SGPP1: variants seen among roughly 807,000 people sequenced by gnomAD.
SGPP1 encodes the protein sphingosine-1-phosphate phosphatase 1.
Under a neutral mutation model 33.0 loss-of-function variants are expected in SGPP1, and 21 were observed. The observed-to-expected ratio is 0.64, with a 90% CI of 0.45 to 0.92. The LOEUF is 0.92. Ranked by LOEUF, SGPP1 falls within the 40% of genes least tolerant of loss-of-function variation. The pLI, the probability that SGPP1 is intolerant of heterozygous loss-of-function variation, is 0.00. For synonymous variants in SGPP1, 239 were observed against 241.2 expected, an observed-to-expected ratio of 0.99 and a Z score of 0.08; for missense variants, 543 against 589.4, an observed-to-expected ratio of 0.92 and a Z score of 0.81.
chr14:63,723,281 G>A (rs1443911972), intron 1 of SGPP1, among the ~76,000 whole-genome samples: 1 of 151,962 alleles, frequency 6.6e-6, no homozygotes, highest in African/African-American at 2.4e-5. Context: ...CATTATCCTA[G>A]GCAATGGATC....
intron 2 of SGPP1, among the ~76,000 whole-genome samples, chr14:63,690,228 A>G (rs1188743492): frequency 6.6e-6 from 1 of 152,158 alleles, no homozygotes; most frequent in Non-Finnish European, 1.5e-5. Context: ...TATTTTTTGT[A>G]GACAAGGTTT....
intron 1 of SGPP1, among the ~76,000 whole-genome samples, chr14:63,701,308 T>G (rs1046616630): frequency 6.6e-6 from 1 of 152,142 alleles, no homozygotes; most frequent in African/African-American, 2.4e-5. Flanking sequence ...TGTTATGTGT[T>G]AAGTCATTGC....
intron 2 of SGPP1, among the ~76,000 whole-genome samples, chr14:63,690,709 TTTTA>T (rs987068335): frequency 1.3e-5 from 2 of 152,116 alleles, no homozygotes; most frequent in Non-Finnish European, 2.9e-5. Context: ...TAAGAAAATA[TTTTA>T]TTTATTTATT....
intron 1 of SGPP1, among the ~76,000 whole-genome samples, chr14:63,705,127 T>TAA (rs35254189): frequency 1.4e-5 from 2 of 147,058 alleles, no homozygotes; most frequent in Admixed American, 6.9e-5. Context: ...ACTCTGTCTT[T>TAA]AAAAAAAAAC....
chr14:63,696,876 C>T (rs1438355710), intron 2 of SGPP1, among the ~76,000 whole-genome samples: 3 of 152,086 alleles, frequency 2.0e-5, no homozygotes, highest in African/African-American at 7.2e-5. Flanking sequence ...ATCCCAGCTA[C>T]TCAGGAGGTT....
chr14:63,690,811 A>G (rs886718166), intron 2 of SGPP1, among the ~76,000 whole-genome samples: 1 of 152,172 alleles, frequency 6.6e-6, no homozygotes, highest in Non-Finnish European at 1.5e-5. Flanking sequence ...CCTGGCTTCA[A>G]GCAATTCTCC....
At chr14:63,718,455 A>C (rs1270155404) in intron 1 of SGPP1, among the ~76,000 whole-genome samples, 2 of 152,126 alleles carry the variant, frequency 1.3e-5, no homozygotes, top group Admixed American at 1.3e-4. Flanking sequence ...TTTAGGTAGG[A>C]GAAAAATTAT....
In SGPP1 at chr14:63,686,564, T is replaced by C. The variant is rs768456195; in HGVS notation, c.867A>G (p.Lys289=). The change falls in exon 3 of 3, where the codon AAA becomes AAG. Residue 289 remains lysine, a synonymous_variant. Coordinates refer to ENST00000247225, the MANE Select transcript of SGPP1 (RefSeq NM_030791.4). ...DLIDNFNQTH[K]YAPFIIIGLH... is the part of the protein sequence containing the mutation. ...GCCCGATGATGATGAATGGAGCATA[T>C]TTGTGAGTTTGGTTGAAGTTGTCAA... 24 of 1,613,990 alleles carry C rather than the reference T, an allele frequency of 1.5e-5. No individual in the cohort carries two copies. In the South Asian group the frequency reaches 2.6e-4, roughly 18 times the overall value.
At chr14:63,693,685 C>T (rs1323497758) in intron 2 of SGPP1, among the ~76,000 whole-genome samples, 3 of 152,200 alleles carry the variant, frequency 2.0e-5, no homozygotes, top group South Asian at 4.1e-4. Context: ...AAAATCACAG[C>T]TTATTGCAGC....
chr14:63,704,580 T>C (rs1331701671), intron 1 of SGPP1, among the ~76,000 whole-genome samples: 2 of 151,436 alleles, frequency 1.3e-5, no homozygotes, highest in Non-Finnish European at 2.9e-5. Flanking sequence ...CCGGGTGTAG[T>C]GACTCACACC....
intron 1 of SGPP1, among the ~76,000 whole-genome samples, chr14:63,716,262 G>C (rs1356634286): frequency 6.6e-6 from 1 of 152,134 alleles, no homozygotes; most frequent in Non-Finnish European, 1.5e-5. Flanking sequence ...GGGAAACGGG[G>C]GTGAGAGGAT....
intron 1 of SGPP1, among the ~76,000 whole-genome samples, chr14:63,708,251 C>CTTTTTTT (rs36105615): frequency 2.3e-4 from 23 of 97,900 alleles, no homozygotes; most frequent in Non-Finnish European, 3.5e-4. Flanking sequence ...AGCAGCAATC[C>CTTTTTTT]TTTTTTTTTT....
At chr14:63,703,615 G>A (rs545431088) in intron 1 of SGPP1, among the ~76,000 whole-genome samples, 7 of 141,988 alleles carry the variant, frequency 4.9e-5, no homozygotes, top group Middle Eastern at 3.7e-3. Context: ...ATTGCACCCC[G>A]GCACTCCAGC....
intron 1 of SGPP1, among the ~76,000 whole-genome samples, chr14:63,709,768 T>A (rs1885485928): frequency 6.6e-6 from 1 of 152,132 alleles, no homozygotes; most frequent in African/African-American, 2.4e-5. Context: ...TCACATGACA[T>A]CCTAGATGTT....
chr14:63,723,371 A>G (rs1366065361), intron 1 of SGPP1, among the ~76,000 whole-genome samples: 1 of 152,172 alleles, frequency 6.6e-6, no homozygotes, highest in East Asian at 1.9e-4. Flanking sequence ...AAAACTCTTT[A>G]AGTAATTACT....
rs1885677215 is a variant in SGPP1, at chr14:63,718,444, CT to C, written c.684+8816del. Among the ~76,000 whole-genome samples the C allele has an allele frequency of 2.0e-5, 3 of 152,102 alleles. No homozygotes were observed. In the South Asian group the frequency reaches 6.2e-4, roughly 32 times the overall value. On this transcript the variant is annotated intron_variant, in intron 1 of 2. Transcript: ENST00000247225. ...AGTAGAAAAAATGTGAAAAGAGGCT[CT>C]TTAGGTAGGAGAAAAATTATACCAG... is the stretch of plus-strand genomic sequence containing the variant.
intron 2 of SGPP1, among the ~76,000 whole-genome samples, chr14:63,697,707 A>G (rs76513838): frequency 2.4e-4 from 36 of 152,348 alleles, no homozygotes; most frequent in Middle Eastern, 3.4e-3. Flanking sequence ...GGTTAAGAAT[A>G]TCTATAGTGA....
chr14:63,701,872 G>A (rs1038688825), intron 1 of SGPP1, among the ~76,000 whole-genome samples: 12 of 134,448 alleles, frequency 8.9e-5, no homozygotes, highest in Non-Finnish European at 1.7e-4. Flanking sequence ...GACCTTTAAA[G>A]TCTTTAAAAA....
intron 1 of SGPP1, among the ~76,000 whole-genome samples, chr14:63,723,403 TCTC>T (rs1328913637): frequency 6.6e-6 from 1 of 152,048 alleles, no homozygotes; most frequent in Non-Finnish European, 1.5e-5. Flanking sequence ...TATTCCAATC[TCTC>T]CTTTGTCTTA....
Sources: allele counts gnomAD v4.1 joint callset (sites outside exome capture counted in the v4.1 genomes callset), GRCh38; gene constraint gnomAD v4.1.1; transcripts MANE v1.5; gene names NCBI Gene and HGNC (gene_info 2026-07-23, HGNC 2026-07-21).